The following MAPK6 variants were observed in gnomAD, a reference collection of about 807,000 sequenced individuals.
The protein encoded by MAPK6 is mitogen-activated protein kinase 6.
In MAPK6, 19 loss-of-function variants were observed where a neutral mutation model predicts 59.3. That is an observed-to-expected ratio of 0.32 (90% CI 0.22 to 0.47). The LOEUF is 0.47. MAPK6 is among the 20% of genes least tolerant of loss of function. The probability of loss-of-function intolerance (pLI) is 1.00; values close to 1 mark genes in which losing one functional copy is unlikely to be tolerated. For synonymous variants in MAPK6, 316 were observed against 290.3 expected (o/e 1.09, Z -0.90); for missense variants, 724 against 847.9 (o/e 0.85, Z 1.81).
At chr15:52,021,255 G>C (rs949596637) in intron 1 of MAPK6, among the ~76,000 whole-genome samples, 27 of 151,990 alleles carry the variant, frequency 1.8e-4, no homozygotes, top group African/African-American at 6.5e-4. Context: ...GCTGACTCAG[G>C]GTACTTTGCT....
chr15:51,977,163 C>T (rs1398131586), intron 1 of MAPK6, among the ~76,000 whole-genome samples: 10 of 151,128 alleles, frequency 6.6e-5, no homozygotes, highest in Middle Eastern at 3.4e-3. Flanking sequence ...CCACCACGCC[C>T]GGCTAATTTT....
chr15:51,993,703 T>C (rs1321070246), intron 2 of MAPK6, among the ~76,000 whole-genome samples: 11 of 152,144 alleles, frequency 7.2e-5, no homozygotes, highest in Admixed American at 4.6e-4. Context: ...TCCCTAGCTC[T>C]GTCCACAAAA....
At chr15:52,038,306 C>T (rs1355047202) in intron 1 of MAPK6, among the ~76,000 whole-genome samples, 1 of 152,168 alleles carries the variant, frequency 6.6e-6, no homozygotes, top group Admixed American at 6.5e-5. Context: ...GTTTTAAAAA[C>T]ATCTTGGTTC....
At chr15:51,989,130 A>G (rs915891020) in intron 2 of MAPK6, among the ~76,000 whole-genome samples, 1 of 143,976 alleles carries the variant, frequency 6.9e-6, no homozygotes, top group African/African-American at 2.6e-5. Context: ...CCTAGGCTGG[A>G]GTACAATGGC....
chr15:52,058,565 TTAGTA>T lies in MAPK6; in HGVS notation c.701-66_701-62del, dbSNP rs563168237. ...TGGTCATTATAATATTTAAATTAGT[TTAGTA>T]TGTTTATTGTGAAATAAGTAAACAT... On this transcript the variant is annotated intron_variant, in intron 3 of 5. Coordinates refer to ENST00000261845, the MANE Select transcript of MAPK6 (RefSeq NM_002748.4). 1.7e-4 allele frequency: 215 copies of T among 1,291,490 alleles called. 2 individuals carry two copies. The East Asian group carries it at 4.9e-3, about 29-fold the overall frequency. 80.0% of individuals were successfully genotyped at this position (1,291,490 alleles called of 1,614,324 possible).
In MAPK6 at chr15:52,021,388, CTG is replaced by C. The variant is rs1335169317; in HGVS notation, c.-632+2014_-632+2015del. ...TTTTTTTTTTTTTTTTTTAAATACA[CTG>C]TATTTTTTTCTAAATGATAGGCTAA... On this transcript the variant is annotated intron_variant, in intron 1 of 5. Transcript: ENST00000261845. 3.5e-5 allele frequency: 5 copies of C among 142,000 alleles called. No homozygotes were observed. The South Asian group carries it at 8.9e-4, about 25-fold the overall frequency. 8.8% of individuals were successfully genotyped at this position (142,000 alleles called of 1,614,324 possible). A position where few individuals can be genotyped will look rare whatever the true frequency, so the allele number is the denominator to read the frequency against.
intron 2 of MAPK6, among the ~76,000 whole-genome samples, chr15:51,990,815 A>G (rs899378969): frequency 3.3e-5 from 5 of 152,188 alleles, no homozygotes; most frequent in Admixed American, 1.3e-4. Context: ...TTAGCCAGGC[A>G]TGGTGGCGGG....
intron 1 of MAPK6, among the ~76,000 whole-genome samples, chr15:52,037,070 G>A (rs1206574154): frequency 6.6e-6 from 1 of 152,134 alleles, no homozygotes; most frequent in East Asian, 1.9e-4. Context: ...ACTTAGGTGG[G>A]AGGATCACTT....
At chr15:52,053,522 T>G (rs912238828) in intron 3 of MAPK6, among the ~76,000 whole-genome samples, 1 of 152,238 alleles carries the variant, frequency 6.6e-6, no homozygotes, top group Non-Finnish European at 1.5e-5. Flanking sequence ...AAATATTTTG[T>G]GATTTACATG....
intron 1 of MAPK6, among the ~76,000 whole-genome samples, chr15:52,039,280 G>A (rs938146154): frequency 1.3e-5 from 2 of 152,138 alleles, no homozygotes; most frequent in Non-Finnish European, 2.9e-5. Context: ...ACCACGCCTG[G>A]CTGTAACTAG....
rs1347117840 is a variant in MAPK6 at position 52,065,477 on chromosome 15, C to G, written c.*477C>G. ...GAAAATGAATGCCGAATTTGGTACA[C>G]ATGTGTTATCTACCTCAAGGTAACA... On this transcript the variant is annotated 3_prime_UTR_variant, in exon 6 of 6. Coordinates refer to ENST00000261845, the MANE Select transcript of MAPK6 (RefSeq NM_002748.4). 2.0e-5 allele frequency: 3 copies of G among 153,342 alleles called. No homozygotes were observed. Among genetic ancestry groups the G allele is most frequent in the Non-Finnish European group, 4.4e-5 (3 of 68,560 alleles). The allele number at this position is 153,342 out of a possible 1,614,324, so 9.5% of individuals were successfully genotyped here.
intron 2 of MAPK6, among the ~76,000 whole-genome samples, chr15:51,992,281 ATCTATC>A (rs1405534285): frequency 9.9e-4 from 103 of 104,014 alleles, no homozygotes; most frequent in African/African-American, 4.1e-3. Flanking sequence ...CTATCTATCT[ATCTATC>A]TATCTATATA....
chr15:52,057,083 TC>T (rs2141114897), intron 3 of MAPK6: 1 of 152,156 alleles, frequency 6.6e-6, no homozygotes, highest in Non-Finnish European at 1.5e-5. Flanking sequence ...TTAGCACAGA[TC>T]CTGTGGGCTC....
intron 1 of MAPK6, among the ~76,000 whole-genome samples, chr15:52,037,986 G>C (rs1184870118): frequency 1.3e-5 from 2 of 152,134 alleles, no homozygotes; most frequent in Admixed American, 1.3e-4. Flanking sequence ...ATGAAGAGTA[G>C]AGGTTCTGAA....
chr15:52,038,628 CAGGTGTCCAA>C (rs940925072), intron 1 of MAPK6, among the ~76,000 whole-genome samples: 15 of 152,148 alleles, frequency 9.9e-5, no homozygotes, highest in African/African-American at 3.1e-4. Context: ...TTAGAATCCT[CAGGTGTCCAA>C]AGGTGCTTGA....
At position 52,064,199 on chromosome 15, in the gene MAPK6, T is replaced by C. The variant is rs1442369737; in HGVS notation, c.1365T>C (p.Asp455=). ...AAACGAGGTCATCATCATATTTAGA[T>C]AACTTAGTTTGGAGAGAGAGTGAAG... is the stretch of plus-strand genomic sequence containing the variant. The part of the protein sequence containing the change: ...NYKTRSSSYL[D]NLVWRESEVN... Residue 455 remains aspartate (D), a synonymous_variant, in exon 6 of 6, where the codon GAT becomes GAC. Coordinates refer to ENST00000261845, the MANE Select transcript of MAPK6 (RefSeq NM_002748.4). 1 of 1,612,014 alleles carries C rather than the reference T, an allele frequency of 6.2e-7. No individual in the cohort carries two copies. The highest frequency in any genetic ancestry group is 2.2e-5 in the East Asian group (1 of 44,840).
Position 52,065,086 on chromosome 15 carries a change from T to TGAATCA in MAPK6, c.*89_*94dup. The TGAATCA allele has an allele frequency of 7.9e-7, 1 of 1,262,640 alleles. No individual in the cohort carries two copies. Among genetic ancestry groups the TGAATCA allele is most frequent in the Non-Finnish European group, 1.1e-6 (1 of 928,160 alleles). 78.2% of individuals were successfully genotyped at this position (1,262,640 alleles called of 1,614,324 possible). On this transcript the variant is annotated 3_prime_UTR_variant, in exon 6 of 6. Transcript: ENST00000261845. ...ACTAGTGTTTAAGTCATTTTTTACT[T>TGAATCA]GAATCAGATGGTGTCATTTAGTAAG...
chr15:52,024,966 G>A (rs1566903013), intron 1 of MAPK6, among the ~76,000 whole-genome samples: 1 of 149,928 alleles, frequency 6.7e-6, no homozygotes, highest in Non-Finnish European at 1.5e-5. Context: ...TAACGTGCTG[G>A]GAAGAACCTG....
chr15:52,001,071 T>C (rs1451078369), intron 2 of MAPK6, among the ~76,000 whole-genome samples: 1 of 152,160 alleles, frequency 6.6e-6, no homozygotes, highest in African/African-American at 2.4e-5. Context: ...GTGGGGACTG[T>C]AAGAGGTGAC....
Sources: gnomAD v4.1 joint callset for allele counts (sites outside exome capture counted in the v4.1 genomes callset) on GRCh38, gnomAD v4.1.1 for gene constraint, MANE v1.5 for transcripts, NCBI Gene and HGNC (gene_info 2026-07-23, HGNC 2026-07-21) for gene names.